The following CACNA1D variants were observed in gnomAD, a reference collection of about 807,000 sequenced individuals.
CACNA1D encodes voltage-dependent L-type calcium channel subunit alpha-1D.
In CACNA1D, 55 loss-of-function variants were observed where a neutral mutation model predicts 257.1. The observed-to-expected ratio is 0.21, with a 90% CI of 0.17 to 0.27. The LOEUF is 0.27. Among genes scored for constraint, CACNA1D ranks in the 10% least tolerant of loss-of-function variants. The pLI is 1.00. For synonymous variants in CACNA1D, 980 were observed against 1,014.9 expected (o/e 0.97, Z 0.65); for missense variants, 1,876 against 2,784.0 (o/e 0.67, Z 7.34).
At chr3:53,782,987 A>T (rs780310634) in intron 39 of CACNA1D, 1 of 152,198 alleles carries the variant, frequency 6.6e-6, no homozygotes, top group African/African-American at 2.4e-5. Flanking sequence ...TTCACCTCTC[A>T]GTCTTTCAGA....
intron 3 of CACNA1D, among the ~76,000 whole-genome samples, chr3:53,510,210 G>A (rs540439306): frequency 2.0e-5 from 3 of 152,240 alleles, no homozygotes; most frequent in African/African-American, 4.8e-5. Flanking sequence ...GATCAGTTCC[G>A]TGTGTCCCTT....
chr3:53,747,176 G>A (rs1448224345), intron 25 of CACNA1D, 126 bp from the exon 26 acceptor site: 2 of 802,670 alleles, frequency 2.5e-6, no homozygotes, highest in South Asian at 1.4e-5. Flanking sequence ...ATGCTCAGCT[G>A]TGTGACAGGC....
chr3:53,810,418 C>A, intron 47 of CACNA1D, 120 bp downstream of exon 47: 2 of 937,416 alleles, frequency 2.1e-6, no homozygotes, highest in Non-Finnish European at 3.5e-6. Context: ...CTGCCTCAAT[C>A]AGACACTTCT....
At chr3:53,743,193 A>G (rs977296351) in intron 22 of CACNA1D, 76 bp downstream of exon 22, 1 of 863,496 alleles carries the variant, frequency 1.2e-6, no homozygotes, top group African/African-American at 1.7e-5. Context: ...TAATTGATAA[A>G]GGCTGGGCAT....
chr3:53,664,621 C>T (rs1473693517), intron 5 of CACNA1D, among the ~76,000 whole-genome samples: 3 of 152,382 alleles, frequency 2.0e-5, no homozygotes, highest in Non-Finnish European at 4.4e-5. Context: ...TGTTCTTCTT[C>T]CCTGAAGTTG....
At chr3:53,665,852 T>G (rs1418435045) in intron 6 of CACNA1D, 40 bp downstream of exon 6, 9 of 1,578,598 alleles carry the variant, frequency 5.7e-6, no homozygotes, top group Non-Finnish European at 6.9e-6. Context: ...CTTTAAAATT[T>G]TTTTGTTTTC....
intron 3 of CACNA1D, among the ~76,000 whole-genome samples, chr3:53,619,482 C>T (rs1365864400): frequency 2.0e-5 from 3 of 152,226 alleles, no homozygotes; most frequent in Non-Finnish European, 4.4e-5. Flanking sequence ...ATGCAGCAAC[C>T]AAGCACCTTC....
At chr3:53,523,606 C>G (rs1049815888) in intron 3 of CACNA1D, among the ~76,000 whole-genome samples, 2 of 152,248 alleles carry the variant, frequency 1.3e-5, no homozygotes, top group Admixed American at 6.5e-5. Flanking sequence ...ACTTCATACA[C>G]ACAAACAAGC....
intron 3 of CACNA1D, among the ~76,000 whole-genome samples, chr3:53,565,448 A>G (rs551368016): frequency 3.3e-5 from 5 of 152,300 alleles, no homozygotes; most frequent in African/African-American, 9.6e-5. Flanking sequence ...ATTTCATTTG[A>G]GTGGCTTGAG....
intron 22 of CACNA1D, among the ~76,000 whole-genome samples, chr3:53,744,105 G>T (rs62250871): frequency 1.3e-5 from 2 of 152,012 alleles, no homozygotes; most frequent in African/African-American, 4.8e-5. Flanking sequence ...CTCTTGTGTC[G>T]CATCTTTGTA....
chr3:53,672,996 C>G lies in CACNA1D; in HGVS notation c.1117-27C>G, dbSNP rs760240153. ...TATTAAATCCTCTTATTAACCCACT[C>G]CTATGAGACCATCTTATTTCTTGCA... On this transcript the variant is annotated intron_variant, in intron 7 of 47. Transcript: ENST00000350061. The G allele has an allele frequency of 4.8e-6, 7 of 1,459,178 alleles. No individual in the cohort carries two copies. In the African/African-American group the frequency reaches 5.6e-5, roughly 12 times the overall value. 90.4% of individuals were successfully genotyped at this position (1,459,178 alleles called of 1,614,324 possible).
Position 53,660,259 on chromosome 3 carries a change from A to G in CACNA1D, c.750A>G (p.Leu250=). 1.9e-6 allele frequency: 3 copies of G among 1,613,958 alleles called. No individual in the cohort carries two copies. The highest frequency in any genetic ancestry group is 2.5e-6 in the Non-Finnish European group (3 of 1,179,938). ...TTCGAGTGTTGCGACCACTTCGACT[A>G]GTGTCAGGAGTGCCCAGTAAGCACT... The part of the protein sequence containing the change: ...RAFRVLRPLR[L]VSGVPSLQVV... The change falls in exon 5 of 48, where the codon CTA becomes CTG. Residue 250 remains leucine (L), a synonymous_variant. Transcript: ENST00000350061.
chr3:53,768,136 G>A (rs1257882605), intron 30 of CACNA1D, among the ~76,000 whole-genome samples: 1 of 152,234 alleles, frequency 6.6e-6, no homozygotes, highest in Non-Finnish European at 1.5e-5. Context: ...AAGGAAGGGG[G>A]CCGTGGATGG....
intron 3 of CACNA1D, among the ~76,000 whole-genome samples, chr3:53,561,425 C>T (rs908229923): frequency 2.0e-5 from 3 of 152,066 alleles, no homozygotes; most frequent in Admixed American, 6.6e-5. Flanking sequence ...CCCTATTTTA[C>T]GTTTATTTCT....
chr3:53,693,444 C>T (rs1306231663), intron 8 of CACNA1D, among the ~76,000 whole-genome samples: 2 of 149,138 alleles, frequency 1.3e-5, no homozygotes, highest in Non-Finnish European at 3.0e-5. Context: ...AATTGTGAAA[C>T]ATCACACATT....
intron 28 of CACNA1D, 145 bp from the exon 29 acceptor site, chr3:53,753,427 C>A: frequency 1.4e-6 from 1 of 716,200 alleles, no homozygotes; most frequent in South Asian, 1.5e-5. Context: ...ACCACATGAC[C>A]TTGCAATGCC....
At chr3:53,660,105 A>G (rs1313992839) in intron 4 of CACNA1D, 28 bp from the exon 5 acceptor site, 1 of 1,609,006 alleles carries the variant, frequency 6.2e-7, no homozygotes, top group African/African-American at 1.3e-5. Flanking sequence ...ACAGACTCTA[A>G]CATTTCTTTC....
intron 9 of CACNA1D, among the ~76,000 whole-genome samples, chr3:53,713,125 T>C (rs2108650156): frequency 6.6e-6 from 1 of 152,308 alleles, no homozygotes; most frequent in South Asian, 2.1e-4. Flanking sequence ...GCTCACTTCT[T>C]GTGCCCTCCC....
chr3:53,629,576 T>C (rs2093799545), intron 3 of CACNA1D, among the ~76,000 whole-genome samples: 2 of 152,220 alleles, frequency 1.3e-5, no homozygotes, highest in Admixed American at 1.3e-4. Context: ...AGCAGCAGCA[T>C]CCCCTCCTCA....
Sources: allele counts gnomAD v4.1 joint callset (sites outside exome capture counted in the v4.1 genomes callset), GRCh38; gene constraint gnomAD v4.1.1; transcripts MANE v1.5; gene names NCBI Gene and HGNC (gene_info 2026-07-23, HGNC 2026-07-21).